DPF3: variants seen among roughly 807,000 people sequenced by gnomAD.
DPF3 encodes the protein double PHD fingers 3, also known as zinc finger protein DPF3.
DPF3 carries 18 observed loss-of-function variants against 56.8 expected under a neutral mutation model. The observed-to-expected ratio is 0.32, with a 90% CI of 0.22 to 0.47. The LOEUF is 0.47. Among genes scored for constraint, DPF3 ranks in the 20% least tolerant of loss-of-function variants. The pLI, the probability that DPF3 is intolerant of heterozygous loss-of-function variation, is 1.00. For synonymous variants in DPF3, 188 were observed against 180.2 expected, an observed-to-expected ratio of 1.04 and a Z score of -0.35; for missense variants, 403 against 488.8, an observed-to-expected ratio of 0.82 and a Z score of 1.65.
intron 8 of DPF3, among the ~76,000 whole-genome samples, chr14:72,636,710 G>T (rs1341627562): frequency 6.6e-6 from 1 of 152,160 alleles, no homozygotes; most frequent in African/African-American, 2.4e-5. Context: ...TTCTGCAAAG[G>T]TCTGCAGGTT....
chr14:72,650,123 CT>C (rs1885862321), intron 8 of DPF3, among the ~76,000 whole-genome samples: 1 of 152,114 alleles, frequency 6.6e-6, no homozygotes, highest in African/African-American at 2.4e-5. Context: ...CCCATCCACA[CT>C]CCACACTGCC....
intron 7 of DPF3, among the ~76,000 whole-genome samples, chr14:72,683,892 G>A (rs1887283600): frequency 2.0e-5 from 3 of 152,116 alleles, no homozygotes; most frequent in Non-Finnish European, 4.4e-5. Flanking sequence ...CTGTAGCTGG[G>A]CAAACCTGGA....
intron 1 of DPF3, among the ~76,000 whole-genome samples, chr14:72,799,085 C>T (rs559175679): frequency 6.4e-4 from 97 of 152,144 alleles, no homozygotes; most frequent in Non-Finnish European, 1.2e-3. Context: ...GGGACAGCAA[C>T]TCAAACCACT....
At chr14:72,834,953 C>T (rs1028378691) in intron 1 of DPF3, among the ~76,000 whole-genome samples, 3 of 150,644 alleles carry the variant, frequency 2.0e-5, no homozygotes, top group African/African-American at 4.9e-5. Context: ...ATACAAAGGC[C>T]ACATGTGTTA....
At chr14:72,816,116 C>T (rs1883271995) in intron 1 of DPF3, among the ~76,000 whole-genome samples, 1 of 152,154 alleles carries the variant, frequency 6.6e-6, no homozygotes, top group Non-Finnish European at 1.5e-5. Context: ...TCCACGTGAG[C>T]CCTCAGACTT....
At chr14:72,843,323 C>CG (rs1375896967) in intron 1 of DPF3, among the ~76,000 whole-genome samples, 1 of 151,930 alleles carries the variant, frequency 6.6e-6, no homozygotes, top group Non-Finnish European at 1.5e-5. Context: ...TCAAAAGCAT[C>CG]GGGGGTTTTT....
chr14:72,682,138 T>C, intron 7 of DPF3, among the ~76,000 whole-genome samples: 1 of 147,454 alleles, frequency 6.8e-6, no homozygotes. Context: ...CACTTGAACC[T>C]GGGAGGCAGA....
At chr14:72,634,541 GA>G (rs1422762907) in intron 8 of DPF3, among the ~76,000 whole-genome samples, 1 of 151,868 alleles carries the variant, frequency 6.6e-6, no homozygotes, top group Non-Finnish European at 1.5e-5. Context: ...AAAGGTGAAA[GA>G]AAAAAAGAGG....
At chr14:72,638,818 C>CT (rs1430367532) in intron 8 of DPF3, among the ~76,000 whole-genome samples, 2 of 116,048 alleles carry the variant, frequency 1.7e-5, no homozygotes, top group African/African-American at 6.5e-5. Context: ...CTTTGTTTTA[C>CT]ATTTTTTTTT....
At chr14:72,662,978 T>C (rs1317397950) in intron 8 of DPF3, 7 of 542,508 alleles carry the variant, frequency 1.3e-5, no homozygotes, top group Non-Finnish European at 1.6e-5. Context: ...AACCACCAAC[T>C]AATTGCCAAG....
intron 2 of DPF3, among the ~76,000 whole-genome samples, chr14:72,759,393 G>T (rs1337852364): frequency 6.6e-6 from 1 of 152,226 alleles, no homozygotes; most frequent in African/African-American, 2.4e-5. Context: ...TGGAGGCTGG[G>T]TGCAGCGGCT....
In DPF3 at chr14:72,640,229, T is replaced by C. The variant is rs147030968; in HGVS notation, c.872-10493A>G. ...GTATGAGGAAAGATTATGAAGAGCC[T>C]CTTATGTAGGCATGAGGATCTGAAT... On this transcript the variant is annotated intron_variant, in intron 8 of 10. Transcript: ENST00000556509. Among the ~76,000 whole-genome samples, 3 of 152,248 alleles carry C rather than the reference T, an allele frequency of 2.0e-5. No homozygotes were observed. In the East Asian group the frequency reaches 5.8e-4, roughly 29 times the overall value.
intron 3 of DPF3, among the ~76,000 whole-genome samples, chr14:72,746,610 G>A (rs773188155): frequency 2.6e-5 from 4 of 152,250 alleles, no homozygotes; most frequent in African/African-American, 4.8e-5. Context: ...CAGCATCTGG[G>A]GGCTGGTGTG....
intron 1 of DPF3, among the ~76,000 whole-genome samples, chr14:72,866,507 A>T (rs2140105253): frequency 6.6e-6 from 1 of 150,738 alleles, no homozygotes; most frequent in East Asian, 1.9e-4. Context: ...CATCGATACC[A>T]GCCATGGAGT....
chr14:72,670,557 C>A lies in DPF3; in HGVS notation c.871+3683G>T, dbSNP rs74062335. 1.4e-3 allele frequency: 1,344 copies of A among 987,250 alleles called. 15 individuals carry two copies. The African/African-American group carries it at 0.022, about 16-fold the overall frequency. The allele number at this position is 987,250 out of a possible 1,614,324, so 61.2% of individuals were successfully genotyped here. On this transcript the variant is annotated intron_variant, in intron 8 of 10. Coordinates refer to ENST00000556509, the MANE Select transcript of DPF3 (RefSeq NM_001280542.3). ...TCCGTGGGGCACAGAATAGTGCAAC[C>A]GTCTCCCATTGAGGAAATTCTCCCC...
intron 1 of DPF3, among the ~76,000 whole-genome samples, chr14:72,888,242 C>T (rs544557011): frequency 6.6e-6 from 1 of 152,276 alleles, no homozygotes; most frequent in East Asian, 1.9e-4. Flanking sequence ...CACTGCCTGC[C>T]ACACTAATAT....
At chr14:72,776,065 A>G (rs1030176018) in intron 1 of DPF3, among the ~76,000 whole-genome samples, 3 of 151,848 alleles carry the variant, frequency 2.0e-5, no homozygotes, top group Non-Finnish European at 2.9e-5. Context: ...CAGATGGAGC[A>G]GGGAAAGGCT....
chr14:72,888,844 C>A (rs1049152179), intron 1 of DPF3, among the ~76,000 whole-genome samples: 7 of 152,158 alleles, frequency 4.6e-5, no homozygotes, highest in African/African-American at 1.7e-4. Context: ...AGTTACTTTG[C>A]AGAGGTTGGG....
chr14:72,648,365 C>T (rs961385139), intron 8 of DPF3, among the ~76,000 whole-genome samples: 12 of 152,090 alleles, frequency 7.9e-5, no homozygotes, highest in Non-Finnish European at 1.5e-4. Flanking sequence ...AGTTCGAGAC[C>T]AGCTTGGCCA....
Sources: allele counts gnomAD v4.1 joint callset (sites outside exome capture counted in the v4.1 genomes callset), GRCh38; gene constraint gnomAD v4.1.1; transcripts MANE v1.5; gene names NCBI Gene and HGNC (gene_info 2026-07-23, HGNC 2026-07-21).